ADGRL1: variants seen among roughly 807,000 people sequenced by gnomAD.
ADGRL1 encodes CIRL-1.
A neutral mutation model predicts 148.9 loss-of-function variants in ADGRL1; 31 were observed. The ratio of observed to expected loss-of-function variants is 0.21; its 90% CI spans 0.16 to 0.28. The LOEUF (loss-of-function observed/expected upper bound fraction) is 0.28. Among genes scored for constraint, ADGRL1 ranks in the 10% least tolerant of loss-of-function variants. ADGRL1 has a pLI of 1.00. For synonymous variants in ADGRL1, 937 were observed against 900.3 expected, an observed-to-expected ratio of 1.04 and a Z score of -0.73; for missense variants, 1,521 against 2,058.8, an observed-to-expected ratio of 0.74 and a Z score of 5.05.
chr19:14,177,719 G>T lies in ADGRL1; in HGVS notation c.96C>A (p.Phe32Leu). The T allele has an allele frequency of 6.2e-7, 1 of 1,612,996 alleles. No homozygotes were observed. The highest frequency in any genetic ancestry group is 8.5e-7 in the Non-Finnish European group (1 of 1,179,806). ...TQGLSRAGLP[F>L]GLMRRELACE... ...ACGCCAGCTCCCGGCGCATCAGCCC[G>T]AACGGGAGCCCGGCCCGGCTCAGGC... Residue 32 changes from phenylalanine to leucine, a missense_variant, in exon 3 of 23, where the codon TTC (phenylalanine) becomes TTA (leucine). Phe to Leu is a conservative substitution (Grantham distance 22). Coordinates refer to ENST00000361434, the MANE Select transcript of ADGRL1 (RefSeq NM_014921.5).
At chr19:14,202,734 G>A (rs1191358699) in intron 1 of ADGRL1, among the ~76,000 whole-genome samples, 1 of 152,146 alleles carries the variant, frequency 6.6e-6, no homozygotes, top group South Asian at 2.1e-4. Flanking sequence ...GCACACAACT[G>A]CAGGTGCACA....
intron 3 of ADGRL1, chr19:14,171,077 G>GT (rs1210145023): frequency 1.3e-5 from 4 of 317,600 alleles, no homozygotes; most frequent in Non-Finnish European, 2.4e-5. Context: ...AGATCTGGTT[G>GT]TTTAAAAGTG....
Position 14,157,477 on chromosome 19 carries a change from G to C in ADGRL1, c.2536-17C>G. 2 of 1,613,046 alleles carry C rather than the reference G, an allele frequency of 1.2e-6. No homozygotes were observed. The highest frequency in any genetic ancestry group is 1.7e-6 in the Non-Finnish European group (2 of 1,179,476). On this transcript the variant is annotated splice_polypyrimidine_tract_variant and intron_variant, in intron 13 of 22. Transcript: ENST00000361434. This position sits in a 1 kb window ranked among gnomAD's most constrained non-coding sequence, Gnocchi z 7.5. ...GCCCTGGTACTGGGGACAGGAACAG[G>C]GGGCACGCTCAGGGCCTTTGGTTTT... is the stretch of plus-strand genomic sequence containing the variant.
At chr19:14,156,566 TG>T (rs869304876) in intron 16 of ADGRL1, 91 bp downstream of exon 16, 163 of 506,950 alleles carry the variant, frequency 3.2e-4, no homozygotes, top group Non-Finnish European at 3.8e-4. Flanking sequence ...TGTGTGTGTG[TG>T]GGGGGGGTGG....
Position 14,162,927 on chromosome 19 carries a change from G to T in ADGRL1, c.874C>A (p.Pro292Thr). ...GTGCCCTCAAAGCGCAGTGTGTAGG[G>T]GTTCAGCTGGCTCACCACCAGCCGC... ...NGRLVVSQLN[P>T]YTLRFEGTWE... Residue 292 changes from proline to threonine, a missense_variant, in exon 5 of 23, where the codon CCC (proline) becomes ACC (threonine). Transcript: ENST00000361434. This position sits in a 1 kb window ranked among gnomAD's most constrained non-coding sequence, Gnocchi z 5.4. 1 of 1,613,598 alleles carries T rather than the reference G, an allele frequency of 6.2e-7. No homozygotes were observed. Among genetic ancestry groups the T allele is most frequent in the Non-Finnish European group, 8.5e-7 (1 of 1,179,860 alleles).
At chr19:14,190,293 G>C (rs931902886) in intron 1 of ADGRL1, among the ~76,000 whole-genome samples, 4 of 152,108 alleles carry the variant, frequency 2.6e-5, no homozygotes, top group African/African-American at 9.7e-5. Flanking sequence ...TAGAGATGAG[G>C]TCTTGCTCTG....
intron 4 of ADGRL1, 69 bp from the exon 5 acceptor site, chr19:14,163,475 A>G (rs1772894671): frequency 4.9e-6 from 5 of 1,017,276 alleles, no homozygotes; most frequent in Non-Finnish European, 6.9e-6. Flanking sequence ...GGAGAGAGAG[A>G]GAGAGAGAGA....
At chr19:14,168,955 G>A (rs921512801) in intron 4 of ADGRL1, 7 of 152,262 alleles carry the variant, frequency 4.6e-5, no homozygotes, top group African/African-American at 1.4e-4. Flanking sequence ...CATGGCTGGC[G>A]AAAGCAGGCA....
Position 14,152,823 on chromosome 19 carries a change from T to C in ADGRL1, c.3384A>G (p.Ser1128=). The change falls in exon 19 of 23, where the codon TCA becomes TCG. Residue 1128 remains serine, a synonymous_variant. Transcript: ENST00000361434. This position sits in a 1 kb window ranked among gnomAD's most constrained non-coding sequence, Gnocchi z 6.1. The stretch of plus-strand genomic sequence containing the variant: ...AGTAGCGGGTGTTGCTTCGCATGGC[T>C]GAGGTCTTGAGGGATCCGTGAGTGC... The part of the protein sequence containing the change: ...PGGTHGSLKT[S]AMRSNTRYYT... 1 of 1,614,078 alleles carries C rather than the reference T, an allele frequency of 6.2e-7. No homozygotes were observed. Among genetic ancestry groups the C allele is most frequent in the Non-Finnish European group, 8.5e-7 (1 of 1,179,978 alleles).
Position 14,150,976 on chromosome 19 carries a change from T to A in ADGRL1, c.4307A>T (p.Tyr1436Phe). 11 of 1,598,808 alleles carry A rather than the reference T, an allele frequency of 6.9e-6. No homozygotes were observed. Among genetic ancestry groups the A allele is most frequent in the Non-Finnish European group, 9.4e-6 (11 of 1,174,482 alleles). The change falls in exon 23 of 23, where the codon TAC becomes TTC. Residue 1436 changes from tyrosine (Y) to phenylalanine (F), a missense_variant. Tyr to Phe is a conservative substitution (Grantham distance 22). This residue lies in a region of ADGRL1 where 390 missense variants were observed against 375.0 expected (regional missense o/e 1.04). Coordinates refer to ENST00000361434, the MANE Select transcript of ADGRL1 (RefSeq NM_014921.5). ...CTCGTGGCTAGGACGCCGCACCTGG[T>A]AGTAGCCCTGCAGGGGATTCCGGGC... is the stretch of plus-strand genomic sequence containing the variant. Reference protein sequence around the residue: ...LVARNPLQGYYQVRRPSHEGY... With the variant: ...LVARNPLQGYFQVRRPSHEGY...
In ADGRL1 at chr19:14,157,759, A is replaced by G; in HGVS notation, c.2535+123T>C. 3.3e-6 allele frequency: 4 copies of G among 1,202,642 alleles called. No individual in the cohort carries two copies. In the South Asian group the frequency reaches 4.6e-5, roughly 14 times the overall value. The allele number at this position is 1,202,642 out of a possible 1,614,324, so 74.5% of individuals were successfully genotyped here. On this transcript the variant is annotated intron_variant, in intron 13 of 22. Coordinates refer to ENST00000361434, the MANE Select transcript of ADGRL1 (RefSeq NM_014921.5). The surrounding 1 kb of genome is among the most constrained non-coding windows in gnomAD (Gnocchi z 7.5). Reference sequence around the variant, plus strand: ...ATGGCCTCATGCCCCAGGCAAGACCAGGGGCCCCCCACACCCATGGGGCTA... The same window carrying G: ...ATGGCCTCATGCCCCAGGCAAGACCGGGGGCCCCCCACACCCATGGGGCTA...
chr19:14,153,031 C>CT, intron 18 of ADGRL1, 119 bp from the exon 19 acceptor site: 1 of 1,171,060 alleles, frequency 8.5e-7, no homozygotes, highest in Non-Finnish European at 1.2e-6. Flanking sequence ...CTTCCAATGA[C>CT]TGTGTTCCCC....
chr19:14,187,233 G>A (rs1272008198), intron 1 of ADGRL1, among the ~76,000 whole-genome samples: 6 of 152,192 alleles, frequency 3.9e-5, no homozygotes, highest in African/African-American at 1.4e-4. Flanking sequence ...CAGCTACTCG[G>A]GAGGCTGAGG....
intron 1 of ADGRL1, among the ~76,000 whole-genome samples, chr19:14,201,417 AT>A (rs59270792): frequency 0.43 from 59,187 of 138,130 alleles, 13,954 homozygotes; most frequent in African/African-American, 0.68. Context: ...AGGCAGGGGC[AT>A]TTTTTTTTTT....
intron 12 of ADGRL1, 22 bp from the exon 13 acceptor site, chr19:14,158,074 G>A: frequency 6.2e-7 from 1 of 1,612,886 alleles, no homozygotes; most frequent in Non-Finnish European, 8.5e-7. Flanking sequence ...TGGCACCAGG[G>A]TGTCATAACT....
At position 14,159,641 on chromosome 19, in the gene ADGRL1, G is replaced by A; in HGVS notation, c.1840-57C>T. 6.3e-7 allele frequency: 1 copy of A among 1,595,220 alleles called. No individual in the cohort carries two copies. The highest frequency in any genetic ancestry group is 1.1e-5 in the South Asian group (1 of 90,410). On this transcript the variant is annotated intron_variant, in intron 9 of 22. Transcript: ENST00000361434. The surrounding 1 kb of genome is among the most constrained non-coding windows in gnomAD (Gnocchi z 6.0). ...CCCCCAACACCCTCTAATTCCTGGG[G>A]GTGGGCTCTGCATGCCCTCTTCTCA...
chr19:14,178,479 T>A (rs1970969706), intron 2 of ADGRL1, among the ~76,000 whole-genome samples: 1 of 151,892 alleles, frequency 6.6e-6, no homozygotes, highest in Admixed American at 6.6e-5. Flanking sequence ...CACTCTAGCC[T>A]GGGCAACAGA....
At chr19:14,177,218 C>A (rs1261120422) in intron 3 of ADGRL1, among the ~76,000 whole-genome samples, 1 of 151,542 alleles carries the variant, frequency 6.6e-6, no homozygotes, top group Non-Finnish European at 1.5e-5. Context: ...CAGAGTAAGA[C>A]TCCATCTCAA....
chr19:14,155,335 C>T lies in ADGRL1; in HGVS notation c.3294+24G>A. 6.2e-7 allele frequency: 1 copy of T among 1,611,032 alleles called. No individual in the cohort carries two copies. Among genetic ancestry groups the T allele is most frequent in the East Asian group, 2.2e-5 (1 of 44,798 alleles). On this transcript the variant is annotated intron_variant, in intron 18 of 22. Coordinates refer to ENST00000361434, the MANE Select transcript of ADGRL1 (RefSeq NM_014921.5). The surrounding 1 kb of genome is among the most constrained non-coding windows in gnomAD (Gnocchi z 5.0). ...GAAACGTCTCCAAGGGAGGCTGTGA[C>T]CCAGGACCCCGCCTCGACCTCACCT...
Sources: gnomAD v4.1 joint callset for allele counts (sites outside exome capture counted in the v4.1 genomes callset) on GRCh38, gnomAD v4.1.1 for gene constraint, gnomAD v4.1.1 regional missense constraint, Gnocchi (gnomAD v3.1) non-coding constraint, MANE v1.5 for transcripts, NCBI Gene and HGNC (gene_info 2026-07-23, HGNC 2026-07-21) for gene names.